TMSB15B: variants seen among roughly 807,000 people sequenced by gnomAD.
The protein encoded by TMSB15B is thymosin beta 15B.
At chrX:103,942,410 C>T (rs2075014868) in intron 1 of TMSB15B, among the ~76,000 whole-genome samples, 1 of 111,764 alleles carries the variant, frequency 8.9e-6, no homozygotes, top group Admixed American at 9.5e-5. Context: ...TGTCAAATAT[C>T]AAGTGTTCAT....
At chrX:103,940,131 T>A (rs1318914238) in intron 1 of TMSB15B, among the ~76,000 whole-genome samples, 2 of 111,879 alleles carry the variant, frequency 1.8e-5, no homozygotes, top group African/African-American at 6.5e-5. Context: ...GAGGCACGAG[T>A]GTCAGGGACC....
intron 1 of TMSB15B, among the ~76,000 whole-genome samples, chrX:103,953,365 A>G (rs1183769611): frequency 8.9e-6 from 1 of 112,380 alleles, no homozygotes; most frequent in African/African-American, 3.2e-5. Context: ...CTGCAACTCC[A>G]GCAAAGCAGG....
At position 103,923,741 on chromosome X, in the gene TMSB15B, A is replaced by C. The variant is rs186731192; in HGVS notation, c.-721+4449A>C. ...GTAGTTTTTTCCAATTCTGTGAAGAAGGTCATTGGTAGCTTGATGGGGATG... is the reference window on the plus strand; with the variant it reads ...GTAGTTTTTTCCAATTCTGTGAAGACGGTCATTGGTAGCTTGATGGGGATG... On this transcript the variant is annotated intron_variant, in intron 1 of 3. Transcript: ENST00000419165. Among the ~76,000 whole-genome samples, 3 of 111,814 alleles carry C rather than the reference A, an allele frequency of 2.7e-5. No homozygotes were observed. In the East Asian group the frequency reaches 8.4e-4, roughly 31 times the overall value.
At chrX:103,944,783 A>G (rs1431705583) in intron 1 of TMSB15B, among the ~76,000 whole-genome samples, 40 of 111,645 alleles carry the variant, frequency 3.6e-4, no homozygotes, top group African/African-American at 1.2e-3. Flanking sequence ...ATAATACATA[A>G]TATTACTTTC....
chrX:103,922,916 C>A (rs2074957900), intron 1 of TMSB15B, among the ~76,000 whole-genome samples: 1 of 112,220 alleles, frequency 8.9e-6, no homozygotes, highest in African/African-American at 3.2e-5. Flanking sequence ...GTGTGAGATG[C>A]TATCTCATTG....
At chrX:103,929,346 C>A (rs1415948568) in intron 1 of TMSB15B, among the ~76,000 whole-genome samples, 1 of 111,928 alleles carries the variant, frequency 8.9e-6, no homozygotes, top group African/African-American at 3.2e-5. Flanking sequence ...AAAAGATAAC[C>A]TTACTTAGGC....
chrX:103,937,938 T>C (rs2075002762), intron 1 of TMSB15B, among the ~76,000 whole-genome samples: 1 of 112,062 alleles, frequency 8.9e-6, no homozygotes, highest in Admixed American at 9.5e-5. Flanking sequence ...CCAGTAGTCA[T>C]TCAGGAGCAG....
intron 1 of TMSB15B, among the ~76,000 whole-genome samples, chrX:103,946,552 C>T (rs1480602992): frequency 1.8e-5 from 2 of 112,083 alleles, no homozygotes; most frequent in African/African-American, 6.5e-5. Context: ...AAAATATTAA[C>T]AGGCCAATTT....
At chrX:103,922,026 G>A (rs1240064897) in intron 1 of TMSB15B, among the ~76,000 whole-genome samples, 3 of 110,129 alleles carry the variant, frequency 2.7e-5, no homozygotes, top group African/African-American at 9.9e-5. Flanking sequence ...ACCGATTGCA[G>A]CTTTTAGAAC....
chrX:103,926,968 G>A (rs1292852339), intron 1 of TMSB15B, among the ~76,000 whole-genome samples: 9 of 110,187 alleles, frequency 8.2e-5, no homozygotes, highest in East Asian at 2.9e-4. Flanking sequence ...CCCCTGTCTC[G>A]TCATTCCAGG....
At chrX:103,933,073 A>G (rs1556320213) in intron 1 of TMSB15B, among the ~76,000 whole-genome samples, 1 of 112,125 alleles carries the variant, frequency 8.9e-6, no homozygotes, top group Admixed American at 9.5e-5. Context: ...TTATTTAGAC[A>G]ATTTTGCTTT....
At chrX:103,937,517 C>T (rs1266219767) in intron 1 of TMSB15B, among the ~76,000 whole-genome samples, 3 of 111,544 alleles carry the variant, frequency 2.7e-5, no homozygotes, top group African/African-American at 9.8e-5. Flanking sequence ...GGTGATCTCC[C>T]CTTTGCCATT....
chrX:103,947,621 T>C (rs2075028732), intron 1 of TMSB15B, among the ~76,000 whole-genome samples: 1 of 112,269 alleles, frequency 8.9e-6, no homozygotes, highest in African/African-American at 3.2e-5. Flanking sequence ...CAAACAGGTT[T>C]AATTCAGTTA....
chrX:103,934,751 T>C (rs1322652755), intron 1 of TMSB15B, among the ~76,000 whole-genome samples: 1 of 111,957 alleles, frequency 8.9e-6, no homozygotes, highest in Non-Finnish European at 1.9e-5. Context: ...TGATGGGTAT[T>C]TGGGTTGGTT....
intron 1 of TMSB15B, among the ~76,000 whole-genome samples, chrX:103,942,617 T>C (rs1230453341): frequency 3.6e-5 from 4 of 112,159 alleles, no homozygotes; most frequent in African/African-American, 1.3e-4. Context: ...TGCACAGAAA[T>C]AGATGCTGAA....
At chrX:103,952,162 A>G (rs1359366355) in intron 1 of TMSB15B, among the ~76,000 whole-genome samples, 2 of 111,727 alleles carry the variant, frequency 1.8e-5, no homozygotes, top group African/African-American at 6.5e-5. Context: ...TCTTCTGAGT[A>G]GGTAGGACTA....
At chrX:103,942,274 C>T (rs1423647267) in intron 1 of TMSB15B, among the ~76,000 whole-genome samples, 2 of 111,589 alleles carry the variant, frequency 1.8e-5, no homozygotes, top group Admixed American at 9.5e-5. Context: ...TTTTAATATA[C>T]TTGGAATTGA....
chrX:103,947,010 A>G (rs1462870994), intron 1 of TMSB15B, among the ~76,000 whole-genome samples: 19 of 110,649 alleles, frequency 1.7e-4, no homozygotes, highest in African/African-American at 5.9e-4. Context: ...TGCATTCCCT[A>G]TGACCAGCAA....
intron 1 of TMSB15B, chrX:103,928,320 A>G (rs2074974916): frequency 3.3e-6 from 4 of 1,205,592 alleles, no homozygotes; most frequent in South Asian, 3.5e-5. Flanking sequence ...AAGGTCCTCA[A>G]TACTTCTACC....
Sources: gnomAD v4.1 joint callset for allele counts (sites outside exome capture counted in the v4.1 genomes callset) on GRCh38, gnomAD v4.1.1 for gene constraint, MANE v1.5 for transcripts, NCBI Gene and HGNC (gene_info 2026-07-23, HGNC 2026-07-21) for gene names.